Variants in RBMS1 observed in about 807,000 individuals in gnomAD.
The protein encoded by RBMS1 is RNA-binding motif, single-stranded-interacting protein 1.
In RBMS1, 17 loss-of-function variants were observed where a neutral mutation model predicts 62.3. The observed-to-expected ratio is 0.27, with a 90% CI of 0.19 to 0.41. The LOEUF is 0.41. Among genes scored for constraint, RBMS1 ranks in the 10% least tolerant of loss-of-function variants. RBMS1 has a pLI of 1.00. For synonymous variants in RBMS1, 172 were observed against 170.0 expected (o/e 1.01, Z -0.09); for missense variants, 334 against 504.5 (o/e 0.66, Z 3.24).
intron 1 of RBMS1, among the ~76,000 whole-genome samples, chr2:160,450,555 A>G (rs1265619240): frequency 6.9e-5 from 3 of 43,472 alleles, no homozygotes; most frequent in African/African-American, 2.0e-4. Flanking sequence ...AAAATAAAAA[A>G]TAAAAAATGA....
intron 1 of RBMS1, among the ~76,000 whole-genome samples, chr2:160,425,482 C>T (rs1457177222): frequency 6.6e-6 from 1 of 152,082 alleles, no homozygotes; most frequent in Admixed American, 6.6e-5. Context: ...GGGTACTGTG[C>T]ATGGAGAAGG....
At position 160,441,566 on chromosome 2, in the gene RBMS1, A is replaced by T. The variant is rs1178398327; in HGVS notation, c.75+51723T>A. On this transcript the variant is annotated intron_variant, in intron 1 of 13. Coordinates refer to ENST00000348849, the MANE Select transcript of RBMS1 (RefSeq NM_016836.4). ...TGGCAAGACTGCATCTCTATAAAAA[A>T]TTTAAAAAATTATCTGGGTATAGTG... Among the ~76,000 whole-genome samples the T allele has an allele frequency of 2.0e-5, 3 of 152,232 alleles. No individual in the cohort carries two copies. The East Asian group carries it at 5.8e-4, about 29-fold the overall frequency.
At chr2:160,441,405 C>T (rs1426070798) in intron 1 of RBMS1, among the ~76,000 whole-genome samples, 3 of 151,916 alleles carry the variant, frequency 2.0e-5, no homozygotes, top group South Asian at 2.1e-4. Context: ...TGGGTCATAC[C>T]AGGTAAATGT....
At chr2:160,339,387 G>T (rs1326384097) in intron 2 of RBMS1, among the ~76,000 whole-genome samples, 3 of 152,160 alleles carry the variant, frequency 2.0e-5, no homozygotes, top group South Asian at 4.1e-4. Flanking sequence ...TTATTCCTTT[G>T]AAGTTTATGG....
At chr2:160,422,035 C>A (rs539070000) in intron 1 of RBMS1, among the ~76,000 whole-genome samples, 1 of 152,284 alleles carries the variant, frequency 6.6e-6, no homozygotes, top group South Asian at 2.1e-4. Flanking sequence ...GTCAAAAAGA[C>A]AGTTCTACTG....
intron 1 of RBMS1, among the ~76,000 whole-genome samples, chr2:160,438,123 T>TGGCGGCCGGGCAGAGGC: frequency 6.6e-6 from 1 of 152,326 alleles, no homozygotes; most frequent in Non-Finnish European, 1.5e-5. Flanking sequence ...TCCTTTTTCT[T>TGGCGGCCGGGCAGAGGC]TTCAGTAGCA....
intron 2 of RBMS1, among the ~76,000 whole-genome samples, chr2:160,320,329 G>A: frequency 6.6e-6 from 1 of 152,098 alleles, no homozygotes; most frequent in East Asian, 1.9e-4. Flanking sequence ...AAAATTGTCT[G>A]GGCATGGTGG....
At chr2:160,381,522 A>G (rs1694282564) in intron 1 of RBMS1, among the ~76,000 whole-genome samples, 1 of 152,218 alleles carries the variant, frequency 6.6e-6, no homozygotes, top group South Asian at 2.1e-4. Context: ...CAGTTTACAG[A>G]TAAGAGAACA....
chr2:160,357,818 G>A (rs1199577836), intron 2 of RBMS1, among the ~76,000 whole-genome samples: 1 of 152,152 alleles, frequency 6.6e-6, no homozygotes, highest in African/African-American at 2.4e-5. Context: ...CCGACTGACA[G>A]TTCTAATGAT....
At chr2:160,446,237 A>G (rs1219660609) in intron 1 of RBMS1, among the ~76,000 whole-genome samples, 1 of 152,192 alleles carries the variant, frequency 6.6e-6, no homozygotes, top group East Asian at 1.9e-4. Flanking sequence ...GCCTCATCCA[A>G]TACTTGAACC....
intron 1 of RBMS1, among the ~76,000 whole-genome samples, chr2:160,471,572 G>A (rs973815099): frequency 6.6e-6 from 1 of 150,648 alleles, no homozygotes; most frequent in African/African-American, 2.4e-5. Context: ...ATGCTGGGTT[G>A]TTTAAAGAAT....
At chr2:160,345,413 C>T (rs1692120360) in intron 2 of RBMS1, among the ~76,000 whole-genome samples, 1 of 151,720 alleles carries the variant, frequency 6.6e-6, no homozygotes, top group Non-Finnish European at 1.5e-5. Context: ...CACCTGAAAC[C>T]GCCCACACCT....
At chr2:160,453,521 C>T (rs1430013199) in intron 1 of RBMS1, among the ~76,000 whole-genome samples, 1 of 151,830 alleles carries the variant, frequency 6.6e-6, no homozygotes, top group Non-Finnish European at 1.5e-5. Flanking sequence ...AAAGTGATCC[C>T]TTCATTCTTT....
intron 3 of RBMS1, among the ~76,000 whole-genome samples, chr2:160,313,594 TC>T (rs1690053799): frequency 6.6e-6 from 1 of 151,800 alleles, no homozygotes; most frequent in Non-Finnish European, 1.5e-5. Flanking sequence ...AAAAAAATAA[TC>T]AACTTCAGGG....
chr2:160,475,278 C>T (rs899976099), intron 1 of RBMS1, among the ~76,000 whole-genome samples: 3 of 152,246 alleles, frequency 2.0e-5, no homozygotes, highest in African/African-American at 7.2e-5. Flanking sequence ...CTTTTCCCCT[C>T]TATCCTGTGA....
intron 2 of RBMS1, among the ~76,000 whole-genome samples, chr2:160,324,882 G>GTGTGTATATATATA (rs1206910746): frequency 1.0e-5 from 1 of 100,004 alleles, no homozygotes; most frequent in Admixed American, 1.0e-4. Context: ...GTGTGTGTGT[G>GTGTGTATATATATA]TATATATATA....
At chr2:160,407,576 G>A (rs975844706) in intron 1 of RBMS1, 15 of 983,540 alleles carry the variant, frequency 1.5e-5, no homozygotes, top group South Asian at 9.0e-5. Flanking sequence ...GCGCGGGCGC[G>A]GGGCAGCCTC....
At chr2:160,397,217 C>T (rs537060689) in intron 1 of RBMS1, among the ~76,000 whole-genome samples, 3 of 151,932 alleles carry the variant, frequency 2.0e-5, no homozygotes, top group Non-Finnish European at 4.4e-5. Context: ...CACCAAATTC[C>T]CAAGAGCATT....
At chr2:160,369,889 G>C (rs1693626399) in intron 1 of RBMS1, among the ~76,000 whole-genome samples, 1 of 152,130 alleles carries the variant, frequency 6.6e-6, no homozygotes, top group East Asian at 1.9e-4. Context: ...AGATTATTTA[G>C]ACATGAAAGT....
Sources: allele counts gnomAD v4.1 joint callset (sites outside exome capture counted in the v4.1 genomes callset), GRCh38; gene constraint gnomAD v4.1.1; transcripts MANE v1.5; gene names NCBI Gene and HGNC (gene_info 2026-07-23, HGNC 2026-07-21).